CNTN4: variants seen among roughly 807,000 people sequenced by gnomAD.
CNTN4 encodes the protein contactin-4.
A neutral mutation model predicts 122.5 loss-of-function variants in CNTN4; 77 were observed. The ratio of observed to expected loss-of-function variants is 0.63; its 90% CI spans 0.52 to 0.76. The LOEUF (loss-of-function observed/expected upper bound fraction) is 0.76, where lower values mean the gene tolerates loss of function less well. Among genes scored for constraint, CNTN4 ranks in the 30% least tolerant of loss-of-function variants. The pLI, the probability that CNTN4 is intolerant of heterozygous loss-of-function variation, is 0.00. For synonymous variants in CNTN4, 512 were observed against 447.0 expected, an observed-to-expected ratio of 1.15 and a Z score of -1.83; for missense variants, 1,256 against 1,259.1, an observed-to-expected ratio of 1.00 and a Z score of 0.04.
At chr3:2,615,922 G>A (rs2081705650) in intron 4 of CNTN4, among the ~76,000 whole-genome samples, 1 of 151,790 alleles carries the variant, frequency 6.6e-6, no homozygotes, top group Non-Finnish European at 1.5e-5. Context: ...AGGATTAAGA[G>A]TAATCTATTC....
At position 2,529,774 on chromosome 3, in the gene CNTN4, TGAGGAGGAGGAG is replaced by T. The variant is rs992513395; in HGVS notation, c.-88-41632_-88-41621del. ...CTTGGTAATGGTGACCACCATATGA[TGAGGAGGAGGAG>T]GAGGAGGAGAAGGAAGAGGAGGATT... On this transcript the variant is annotated intron_variant, in intron 3 of 24. Transcript: ENST00000418658. 2.0e-5 allele frequency among the ~76,000 whole-genome samples: 3 copies of T among 151,816 alleles called. No individual in the cohort carries two copies. The East Asian group carries it at 5.8e-4, about 29-fold the overall frequency.
At chr3:2,503,895 T>C (rs757668537) in intron 3 of CNTN4, among the ~76,000 whole-genome samples, 4 of 152,140 alleles carry the variant, frequency 2.6e-5, no homozygotes, top group Non-Finnish European at 5.9e-5. Context: ...TATTTGGCTT[T>C]ACCAGGTAGC....
intron 14 of CNTN4, among the ~76,000 whole-genome samples, chr3:3,007,995 G>A (rs1248438937): frequency 6.6e-6 from 1 of 152,006 alleles, no homozygotes; most frequent in African/African-American, 2.4e-5. Flanking sequence ...GGGACATTTG[G>A]GATTAATGAT....
chr3:2,804,584 C>G (rs1386716504), intron 6 of CNTN4, among the ~76,000 whole-genome samples: 1 of 152,218 alleles, frequency 6.6e-6, no homozygotes, highest in Non-Finnish European at 1.5e-5. Context: ...CTAAATACTA[C>G]TATTCAACCT....
intron 2 of CNTN4, among the ~76,000 whole-genome samples, chr3:2,118,215 T>A (rs1033336890): frequency 6.6e-6 from 1 of 151,966 alleles, no homozygotes; most frequent in African/African-American, 2.4e-5. Context: ...TCAGAAAGAG[T>A]AAGTAATTTG....
chr3:2,205,115 A>T (rs1284640736), intron 2 of CNTN4, among the ~76,000 whole-genome samples: 1 of 151,664 alleles, frequency 6.6e-6, no homozygotes, highest in Non-Finnish European at 1.5e-5. Context: ...GTCTAGCAAG[A>T]TTTTTGTATT....
At chr3:2,974,160 G>C (rs1359370734) in intron 13 of CNTN4, among the ~76,000 whole-genome samples, 2 of 152,158 alleles carry the variant, frequency 1.3e-5, no homozygotes, top group East Asian at 3.9e-4. Flanking sequence ...AATCCTGGGA[G>C]ACAAGTTTAC....
chr3:2,854,933 G>T (rs2093602257), intron 7 of CNTN4, among the ~76,000 whole-genome samples: 1 of 152,122 alleles, frequency 6.6e-6, no homozygotes, highest in South Asian at 2.1e-4. Context: ...TAAGAAGACA[G>T]ATTTTGATTA....
chr3:2,878,703 A>T (rs2093874377), intron 8 of CNTN4, among the ~76,000 whole-genome samples: 1 of 152,142 alleles, frequency 6.6e-6, no homozygotes, highest in Admixed American at 6.6e-5. Flanking sequence ...GTAGTTACTC[A>T]CTGAACACCT....
intron 6 of CNTN4, among the ~76,000 whole-genome samples, chr3:2,804,596 C>G (rs558268459): frequency 5.9e-5 from 9 of 152,338 alleles, no homozygotes; most frequent in African/African-American, 1.9e-4. Context: ...ATTCAACCTA[C>G]AAGTGGCTGA....
At chr3:2,276,951 T>A (rs2041533956) in intron 2 of CNTN4, among the ~76,000 whole-genome samples, 1 of 152,144 alleles carries the variant, frequency 6.6e-6, no homozygotes, top group Non-Finnish European at 1.5e-5. Context: ...ATAGTATAGA[T>A]TAATTCAGTT....
At chr3:2,540,470 G>A (rs548869856) in intron 3 of CNTN4, among the ~76,000 whole-genome samples, 12 of 152,110 alleles carry the variant, frequency 7.9e-5, no homozygotes, top group South Asian at 6.2e-4. Context: ...GAGAAAAGAC[G>A]GTGGGGGAAT....
At chr3:2,461,500 T>C (rs1316620343) in intron 3 of CNTN4, among the ~76,000 whole-genome samples, 2 of 152,140 alleles carry the variant, frequency 1.3e-5, no homozygotes, top group Admixed American at 1.3e-4. Context: ...GGCCAGCTAC[T>C]AAGCGGTAGA....
chr3:2,186,616 G>C (rs1056637737), intron 2 of CNTN4, among the ~76,000 whole-genome samples: 1 of 151,848 alleles, frequency 6.6e-6, no homozygotes, highest in Non-Finnish European at 1.5e-5. Context: ...TTTTAATGAT[G>C]GCCATTCTAA....
chr3:2,593,034 C>G (rs1435605215), intron 4 of CNTN4, among the ~76,000 whole-genome samples: 1 of 152,070 alleles, frequency 6.6e-6, no homozygotes, highest in African/African-American at 2.4e-5. Context: ...CTTTACCAGC[C>G]CTACCTAATT....
At chr3:2,428,728 G>T (rs1170804691) in intron 3 of CNTN4, among the ~76,000 whole-genome samples, 1 of 152,106 alleles carries the variant, frequency 6.6e-6, no homozygotes, top group Non-Finnish European at 1.5e-5. Flanking sequence ...CGTGGATTTG[G>T]TCTTTTCACA....
intron 6 of CNTN4, among the ~76,000 whole-genome samples, chr3:2,816,820 CAAAAAAAA>C (rs538762827): frequency 1.4e-5 from 1 of 73,244 alleles, no homozygotes. Flanking sequence ...ACTCTGTCTC[CAAAAAAAA>C]AAAAAAAAAA....
At chr3:2,714,746 T>A (rs551802051) in intron 4 of CNTN4, among the ~76,000 whole-genome samples, 1 of 152,308 alleles carries the variant, frequency 6.6e-6, no homozygotes, top group African/African-American at 2.4e-5. Flanking sequence ...TGTATTTTTA[T>A]GTTATTTTGG....
intron 2 of CNTN4, among the ~76,000 whole-genome samples, chr3:2,160,129 T>C (rs1048448813): frequency 1.3e-5 from 2 of 152,188 alleles, no homozygotes; most frequent in African/African-American, 4.8e-5. Flanking sequence ...AAAGAACATG[T>C]TACTAAATTA....
Sources: allele counts gnomAD v4.1 joint callset (sites outside exome capture counted in the v4.1 genomes callset), GRCh38; gene constraint gnomAD v4.1.1; transcripts MANE v1.5; gene names NCBI Gene and HGNC (gene_info 2026-07-23, HGNC 2026-07-21).